Variants in SUCLG2 observed in about 807,000 individuals in gnomAD.
SUCLG2 encodes the protein succinate-CoA ligase GDP-forming subunit beta, also known as succinate--CoA ligase [GDP-forming] subunit beta, mitochondrial.
SUCLG2 carries 42 observed loss-of-function variants against 47.9 expected under a neutral mutation model. The ratio of observed to expected loss-of-function variants is 0.88; its 90% confidence interval spans 0.69 to 1.14. The LOEUF is 1.14. Ranked by LOEUF, SUCLG2 falls within the 50% of genes most tolerant of loss-of-function variation. The pLI is 0.00. For missense variants in SUCLG2, 571 were observed against 525.9 expected, an observed-to-expected ratio of 1.09 and a Z score of -0.84; for synonymous variants, 195 against 197.3, an observed-to-expected ratio of 0.99 and a Z score of 0.10.
At chr3:67,437,983 G>T (rs1703666110) in intron 9 of SUCLG2, among the ~76,000 whole-genome samples, 1 of 152,090 alleles carries the variant, frequency 6.6e-6, no homozygotes, top group African/African-American at 2.4e-5. Context: ...CTAGTGAAAA[G>T]AATACATATA....
chr3:67,530,466 T>C (rs534466952), intron 2 of SUCLG2, among the ~76,000 whole-genome samples: 41 of 152,328 alleles, frequency 2.7e-4, no homozygotes, highest in African/African-American at 9.1e-4. Context: ...TTAAGTTTGG[T>C]TATTTCAGCT....
chr3:67,362,563 A>G (rs908496852), intron 10 of SUCLG2, among the ~76,000 whole-genome samples: 3 of 152,154 alleles, frequency 2.0e-5, no homozygotes, highest in Non-Finnish European at 2.9e-5. Context: ...ATGAAATTGC[A>G]AAGTCCATGA....
At position 67,462,034 on chromosome 3, in the gene SUCLG2, T is replaced by C. The variant is rs115170805; in HGVS notation, c.1062+33764A>G. On this transcript the variant is annotated intron_variant, in intron 9 of 10. Coordinates refer to ENST00000307227, the MANE Select transcript of SUCLG2 (RefSeq NM_003848.4). ...AGTTTGCAGGAAATGGGGATTGTGG[T>C]ATTATTTTACATATATATATGTATG... Among the ~76,000 whole-genome samples the C allele has an allele frequency of 9.4e-3, 1,436 of 152,146 alleles. 28 individuals carry two copies. Among genetic ancestry groups the C allele is most frequent in the African/African-American group, 0.033 (1,388 of 41,500 alleles).
At chr3:67,532,210 A>G (rs780333997) in intron 2 of SUCLG2, among the ~76,000 whole-genome samples, 3 of 152,168 alleles carry the variant, frequency 2.0e-5, no homozygotes, top group Non-Finnish European at 4.4e-5. Context: ...ATCTTGGCCC[A>G]CTGCAACCTC....
At chr3:67,451,642 C>A (rs1704059535) in intron 9 of SUCLG2, among the ~76,000 whole-genome samples, 1 of 152,050 alleles carries the variant, frequency 6.6e-6, no homozygotes, top group Non-Finnish European at 1.5e-5. Context: ...TACAAATTTT[C>A]ATCCCCTTTC....
At chr3:67,373,895 A>C (rs1173600675), downstream of SUCLG2, among the ~76,000 whole-genome samples, 1 of 152,170 alleles carries the variant, frequency 6.6e-6, no homozygotes, top group African/African-American at 2.4e-5. Flanking sequence ...CTAAGGATGC[A>C]AAAAGAACAA....
chr3:67,434,719 AT>A (rs1703574426), intron 9 of SUCLG2, among the ~76,000 whole-genome samples: 1 of 152,208 alleles, frequency 6.6e-6, no homozygotes, highest in Non-Finnish European at 1.5e-5. Flanking sequence ...CAAAGGCTTT[AT>A]TTTAAAAATG....
At chr3:67,390,578 A>G (rs953593102) in intron 10 of SUCLG2, among the ~76,000 whole-genome samples, 1 of 152,172 alleles carries the variant, frequency 6.6e-6, no homozygotes, top group African/African-American at 2.4e-5. Context: ...GAACAGCTAC[A>G]TATTTGGGGG....
At chr3:67,642,530 T>C (rs1701119176) in intron 1 of SUCLG2, among the ~76,000 whole-genome samples, 2 of 152,116 alleles carry the variant, frequency 1.3e-5, no homozygotes. Context: ...GGATTCATTG[T>C]GCCCAGAAGT....
chr3:67,389,333 G>A (rs574623938), intron 10 of SUCLG2, among the ~76,000 whole-genome samples: 1 of 152,186 alleles, frequency 6.6e-6, no homozygotes, highest in Non-Finnish European at 1.5e-5. Flanking sequence ...TGGAGAGAGT[G>A]CATGTGGAGA....
intron 2 of SUCLG2, among the ~76,000 whole-genome samples, chr3:67,549,095 G>A (rs1012650236): frequency 5.9e-5 from 9 of 152,112 alleles, no homozygotes; most frequent in African/African-American, 2.2e-4. Flanking sequence ...TAAGCTCAGT[G>A]GAAATTATCA....
chr3:67,536,757 A>G (rs979888964), intron 2 of SUCLG2, among the ~76,000 whole-genome samples: 1 of 152,190 alleles, frequency 6.6e-6, no homozygotes, highest in African/African-American at 2.4e-5. Context: ...CTTATTTCAT[A>G]CAGCTGAAAA....
intron 2 of SUCLG2, among the ~76,000 whole-genome samples, chr3:67,580,486 A>C (rs1373893506): frequency 6.6e-6 from 1 of 152,192 alleles, no homozygotes; most frequent in Non-Finnish European, 1.5e-5. Context: ...AAATATAATG[A>C]AAGATACATC....
intron 9 of SUCLG2, among the ~76,000 whole-genome samples, chr3:67,403,741 A>C (rs1702741322): frequency 6.6e-6 from 1 of 152,214 alleles, no homozygotes; most frequent in Non-Finnish European, 1.5e-5. Flanking sequence ...GCCAGGATAA[A>C]GGCAGATATG....
chr3:67,506,851 G>GTC (rs748403625), intron 7 of SUCLG2, among the ~76,000 whole-genome samples: 1 of 152,154 alleles, frequency 6.6e-6, no homozygotes, highest in Non-Finnish European at 1.5e-5. Context: ...CTACTTCTAG[G>GTC]TCATGTACGT....
intron 10 of SUCLG2, among the ~76,000 whole-genome samples, chr3:67,393,834 A>G (rs1302364857): frequency 6.6e-6 from 1 of 152,158 alleles, no homozygotes; most frequent in Non-Finnish European, 1.5e-5. Flanking sequence ...CTTCCAGAGG[A>G]ACGATCAGAC....
At chr3:67,626,029 T>C (rs550623851) in intron 1 of SUCLG2, among the ~76,000 whole-genome samples, 55 of 151,652 alleles carry the variant, frequency 3.6e-4, no homozygotes, top group Non-Finnish European at 7.2e-4. Flanking sequence ...TTTACATTTT[T>C]TTTTTTTTTG....
chr3:67,637,615 A>T (rs907187014), intron 1 of SUCLG2, among the ~76,000 whole-genome samples: 3 of 152,234 alleles, frequency 2.0e-5, no homozygotes, highest in Non-Finnish European at 4.4e-5. Context: ...AAATTAACAA[A>T]GAAAAAAGCA....
intron 9 of SUCLG2, among the ~76,000 whole-genome samples, chr3:67,408,242 A>T (rs1702860398): frequency 6.6e-6 from 1 of 152,190 alleles, no homozygotes; most frequent in Admixed American, 6.5e-5. Flanking sequence ...GGAATAAAGC[A>T]ACTCATGTAC....
Sources: allele counts gnomAD v4.1 joint callset (sites outside exome capture counted in the v4.1 genomes callset), GRCh38; gene constraint gnomAD v4.1.1; transcripts MANE v1.5; gene names NCBI Gene and HGNC (gene_info 2026-07-23, HGNC 2026-07-21).